ASTN1: variants seen among roughly 807,000 people sequenced by gnomAD.
ASTN1 encodes astrotactin-1.
In ASTN1, 41 loss-of-function variants were observed where a neutral mutation model predicts 140.7. The observed-to-expected ratio is 0.29, with a 90% CI of 0.23 to 0.38. The LOEUF is 0.38. ASTN1 is among the 10% of genes least tolerant of loss of function. The pLI is 1.00. For synonymous variants in ASTN1, 640 were observed against 652.2 expected (o/e 0.98, Z 0.29); for missense variants, 1,479 against 1,678.8 (o/e 0.88, Z 2.08).
intron 2 of ASTN1, among the ~76,000 whole-genome samples, chr1:177,050,693 T>C (rs1677497733): frequency 1.3e-5 from 2 of 152,166 alleles, no homozygotes; most frequent in South Asian, 4.1e-4. Flanking sequence ...GCTAATTTTA[T>C]AAGGCAAGGC....
intron 1 of ASTN1, among the ~76,000 whole-genome samples, chr1:177,118,030 C>T (rs543469352): frequency 5.9e-5 from 9 of 152,232 alleles, no homozygotes; most frequent in East Asian, 1.9e-4. Context: ...GTATGTATAG[C>T]AATTGCTTCA....
chr1:176,946,666 C>A (rs1671971632), intron 12 of ASTN1, among the ~76,000 whole-genome samples: 3 of 152,154 alleles, frequency 2.0e-5, no homozygotes, highest in Admixed American at 2.0e-4. Context: ...TATCCAAACA[C>A]AATATCAACC....
At chr1:177,052,907 T>A (rs1202969009) in intron 2 of ASTN1, among the ~76,000 whole-genome samples, 1 of 152,250 alleles carries the variant, frequency 6.6e-6, no homozygotes, top group Non-Finnish European at 1.5e-5. Context: ...TACACTTGCC[T>A]TAAATCCTGG....
intron 7 of ASTN1, 55 bp from the exon 8 acceptor site, chr1:177,014,930 G>T: frequency 6.8e-7 from 1 of 1,473,016 alleles, no homozygotes; most frequent in Non-Finnish European, 9.5e-7. Context: ...TGATTAACAT[G>T]TCTGTGTTTG....
chr1:177,083,702 C>T (rs950624290), intron 1 of ASTN1, among the ~76,000 whole-genome samples: 4 of 152,094 alleles, frequency 2.6e-5, no homozygotes, highest in Non-Finnish European at 5.9e-5. Context: ...TGGAATTCAA[C>T]AAAGTACCCA....
chr1:176,995,084 A>G (rs1362934987), intron 8 of ASTN1, among the ~76,000 whole-genome samples: 4 of 152,314 alleles, frequency 2.6e-5, no homozygotes, highest in Admixed American at 1.3e-4. Flanking sequence ...GCACTGAGAA[A>G]GTCAAGCAGA....
At chr1:177,158,638 A>T (rs905816889) in intron 1 of ASTN1, among the ~76,000 whole-genome samples, 4 of 149,232 alleles carry the variant, frequency 2.7e-5, no homozygotes, top group African/African-American at 4.9e-5. Context: ...ATTTCTAAGA[A>T]AAGAAAGAAA....
chr1:176,889,654 C>T (rs536896330), intron 17 of ASTN1, among the ~76,000 whole-genome samples: 19 of 152,144 alleles, frequency 1.2e-4, no homozygotes, highest in Non-Finnish European at 2.4e-4. Context: ...AGATCGGAAG[C>T]CTCTAGGAAA....
chr1:176,949,770 T>C (rs1672116669), intron 11 of ASTN1, among the ~76,000 whole-genome samples: 1 of 152,142 alleles, frequency 6.6e-6, no homozygotes, highest in African/African-American at 2.4e-5. Context: ...TACTATGAGT[T>C]TTTTAAGTGT....
chr1:177,033,870 G>T (rs914921813), intron 2 of ASTN1, among the ~76,000 whole-genome samples: 1 of 152,136 alleles, frequency 6.6e-6, no homozygotes, highest in Admixed American at 6.5e-5. Flanking sequence ...GCAGCATTTA[G>T]AGGGACAGCC....
At chr1:177,090,557 G>T (rs980846721) in intron 1 of ASTN1, among the ~76,000 whole-genome samples, 1 of 152,070 alleles carries the variant, frequency 6.6e-6, no homozygotes, top group Non-Finnish European at 1.5e-5. Flanking sequence ...AACTAGAAAA[G>T]ATTGCAAAGA....
At chr1:177,093,696 C>A (rs1260700420) in intron 1 of ASTN1, among the ~76,000 whole-genome samples, 6 of 152,012 alleles carry the variant, frequency 3.9e-5, no homozygotes, top group African/African-American at 1.4e-4. Context: ...CTGAACAGGG[C>A]CTGGGTGAGT....
At chr1:176,904,235 G>C (rs1007582127) in intron 16 of ASTN1, among the ~76,000 whole-genome samples, 21 of 152,174 alleles carry the variant, frequency 1.4e-4, no homozygotes, top group African/African-American at 5.1e-4. Context: ...CCATGTAGGG[G>C]CTTGCAGTCC....
intron 21 of ASTN1, 82 bp downstream of exon 21, chr1:176,876,455 T>TCTTGAATC: frequency 6.9e-7 from 1 of 1,441,272 alleles, no homozygotes; most frequent in Non-Finnish European, 9.7e-7. Flanking sequence ...TATTCAACTC[T>TCTTGAATC]CTTGGTCCTT....
At chr1:176,895,388 CTA>C (rs762724309) in intron 16 of ASTN1, among the ~76,000 whole-genome samples, 2 of 152,192 alleles carry the variant, frequency 1.3e-5, no homozygotes, top group Non-Finnish European at 2.9e-5. Flanking sequence ...GCATGGCGTT[CTA>C]TCATTATACT....
chr1:176,966,244 T>G (rs896539794), intron 8 of ASTN1, among the ~76,000 whole-genome samples: 1 of 152,206 alleles, frequency 6.6e-6, no homozygotes, highest in Non-Finnish European at 1.5e-5. Flanking sequence ...TTGGGACTAA[T>G]TCTAATACTA....
intron 1 of ASTN1, among the ~76,000 whole-genome samples, chr1:177,139,568 T>C (rs769606795): frequency 2.6e-4 from 39 of 152,318 alleles, no homozygotes; most frequent in South Asian, 1.4e-3. Flanking sequence ...ATTGTGGAAA[T>C]GCTTGAGAAC....
intron 1 of ASTN1, among the ~76,000 whole-genome samples, chr1:177,114,756 T>C (rs1021582061): frequency 3.9e-5 from 6 of 152,224 alleles, no homozygotes; most frequent in Non-Finnish European, 8.8e-5. Flanking sequence ...AACAGTTCCA[T>C]TGCCACAAAC....
intron 1 of ASTN1, among the ~76,000 whole-genome samples, chr1:177,112,010 A>T (rs1379598158): frequency 6.6e-6 from 1 of 151,996 alleles, no homozygotes; most frequent in Non-Finnish European, 1.5e-5. Flanking sequence ...TTTCCATTTC[A>T]CACTCCTTTT....
Sources: allele counts gnomAD v4.1 joint callset (sites outside exome capture counted in the v4.1 genomes callset), GRCh38; gene constraint gnomAD v4.1.1; transcripts MANE v1.5; gene names NCBI Gene and HGNC (gene_info 2026-07-23, HGNC 2026-07-21).